SNX31: variants seen among roughly 807,000 people sequenced by gnomAD.
The protein encoded by SNX31 is sorting nexin-31.
Under a neutral mutation model 65.4 loss-of-function variants are expected in SNX31, and 58 were observed. The observed-to-expected ratio is 0.89, with a 90% CI of 0.72 to 1.10. The LOEUF (loss-of-function observed/expected upper bound fraction) is 1.10, where lower values mean the gene tolerates loss of function less well. Among genes scored for constraint, SNX31 ranks in the 50% least tolerant of loss-of-function variants. The pLI, the probability that SNX31 is intolerant of heterozygous loss-of-function variation, is 0.00. For synonymous variants in SNX31, 181 were observed against 190.1 expected (o/e 0.95, Z 0.39); for missense variants, 523 against 529.7 (o/e 0.99, Z 0.12).
chr8:100,609,207 T>C lies in SNX31; in HGVS notation c.612-644A>G, dbSNP rs1421556774. On this transcript the variant is annotated intron_variant, in intron 7 of 13. Coordinates refer to ENST00000311812, the MANE Select transcript of SNX31 (RefSeq NM_152628.4). The surrounding 1 kb of genome is among the most constrained non-coding windows in gnomAD (Gnocchi z 4.9). ...AACGCTACATTCCAACCATGTTTTC[T>C]CTCCTCTCTCCCTGCCTGGAAGACC... Among the ~76,000 whole-genome samples, 1 of 152,154 alleles carries C rather than the reference T, an allele frequency of 6.6e-6. No homozygotes were observed. The highest frequency in any genetic ancestry group is 1.5e-5 in the Non-Finnish European group (1 of 68,036).
intron 7 of SNX31, among the ~76,000 whole-genome samples, chr8:100,611,532 T>C (rs1418045602): frequency 6.6e-6 from 1 of 152,154 alleles, no homozygotes; most frequent in African/African-American, 2.4e-5. Flanking sequence ...GAAACCAGTT[T>C]ATTTCACCCT....
chr8:100,574,458 C>G (rs1221132058), intron 13 of SNX31, among the ~76,000 whole-genome samples: 1 of 152,034 alleles, frequency 6.6e-6, no homozygotes, highest in Non-Finnish European at 1.5e-5. Context: ...GTGGTGAAAC[C>G]CCATCTCTAA....
At chr8:100,631,108 TAGG>T (rs2131184607) in intron 3 of SNX31, among the ~76,000 whole-genome samples, 1 of 152,128 alleles carries the variant, frequency 6.6e-6, no homozygotes, top group East Asian at 1.9e-4. Context: ...CTTTGAATGA[TAGG>T]AGTTCTCGAG....
intron 2 of SNX31, among the ~76,000 whole-genome samples, chr8:100,637,167 T>C (rs900298669): frequency 1.3e-5 from 2 of 152,248 alleles, no homozygotes; most frequent in African/African-American, 2.4e-5. Context: ...ATTATTTTTA[T>C]GGAACCTAAA....
At position 100,625,918 on chromosome 8, in the gene SNX31, G is replaced by A. The variant is rs1818012474; in HGVS notation, c.321+4409C>T. Among the ~76,000 whole-genome samples, 1 of 152,156 alleles carries A rather than the reference G, an allele frequency of 6.6e-6. No individual in the cohort carries two copies. The highest frequency in any genetic ancestry group is 6.5e-5 in the Admixed American group (1 of 15,276). On this transcript the variant is annotated intron_variant, in intron 4 of 13. Transcript: ENST00000311812. This position sits in a 1 kb window ranked among gnomAD's most constrained non-coding sequence, Gnocchi z 4.2. The stretch of plus-strand genomic sequence containing the variant: ...GGGAAAGAAAAGGGACTGGCATTAA[G>A]ATTTTGCTTTTTAAAACCTATATCT...
chr8:100,606,575 C>A (rs1317508490), intron 8 of SNX31, among the ~76,000 whole-genome samples: 1 of 152,140 alleles, frequency 6.6e-6, no homozygotes, highest in Non-Finnish European at 1.5e-5. Context: ...CACCCATTGA[C>A]CTTTTTCTAC....
chr8:100,577,148 A>G, intron 12 of SNX31, 73 bp from the exon 13 acceptor site: 1 of 1,285,256 alleles, frequency 7.8e-7, no homozygotes, highest in Non-Finnish European at 1.1e-6. Context: ...TTTAACTAGC[A>G]CACTTTCCCT....
At chr8:100,587,656 G>A (rs1814170548) in intron 11 of SNX31, among the ~76,000 whole-genome samples, 1 of 152,206 alleles carries the variant, frequency 6.6e-6, no homozygotes, top group African/African-American at 2.4e-5. Flanking sequence ...CCACATGGGT[G>A]GCTGAGGTAG....
At chr8:100,586,461 T>C (rs556084334) in intron 11 of SNX31, among the ~76,000 whole-genome samples, 82 of 152,338 alleles carry the variant, frequency 5.4e-4, no homozygotes, top group African/African-American at 1.9e-3. Context: ...AGAATGTTTA[T>C]TGCACCTCTT....
upstream of SNX31, among the ~76,000 whole-genome samples, chr8:100,650,063 G>GC (rs11294701): frequency 0.012 from 1,774 of 151,674 alleles, 14 homozygotes; most frequent in Middle Eastern, 0.024. Context: ...AATACCAGAA[G>GC]CCCCCCCCAA....
In SNX31 at chr8:100,577,095, G is replaced by C; in HGVS notation, c.1171-20C>G. 6.2e-7 allele frequency: 1 copy of C among 1,608,414 alleles called. No individual in the cohort carries two copies. Among genetic ancestry groups the C allele is most frequent in the Middle Eastern group, 1.7e-4 (1 of 6,048 alleles). ...AATCTGCTAGATAGATTAGTGAAAT[G>C]TCAGTCAGCTCAGCCCAGAGAAGCA... is the stretch of plus-strand genomic sequence containing the variant. On this transcript the variant is annotated intron_variant, in intron 12 of 13. Coordinates refer to ENST00000311812, the MANE Select transcript of SNX31 (RefSeq NM_152628.4).
chr8:100,597,325 T>A (rs867619774), intron 9 of SNX31, among the ~76,000 whole-genome samples: 26 of 151,838 alleles, frequency 1.7e-4, no homozygotes, highest in South Asian at 4.2e-4. Flanking sequence ...CACTGCAACC[T>A]CCGACTCCCT....
chr8:100,649,741 T>G, upstream of SNX31: 1 of 447,844 alleles, frequency 2.2e-6, no homozygotes. Context: ...GGTCCCGGGA[T>G]AGGTGGCGCC....
chr8:100,630,763 T>C lies in SNX31; in HGVS notation c.257-372A>G, dbSNP rs969897201. ...CCCAGCCTAGCAAGACACAGGGTAA[T>C]TTGAAAATTTAATTCAACCAAGAAA... On this transcript the variant is annotated intron_variant, in intron 3 of 13. Coordinates refer to ENST00000311812, the MANE Select transcript of SNX31 (RefSeq NM_152628.4). The surrounding 1 kb of genome is among the most constrained non-coding windows in gnomAD (Gnocchi z 5.3). 6.6e-6 allele frequency among the ~76,000 whole-genome samples: 1 copy of C among 152,166 alleles called. No homozygotes were observed. Among genetic ancestry groups the C allele is most frequent in the Non-Finnish European group, 1.5e-5 (1 of 68,032 alleles).
At chr8:100,595,311 G>GTTTTTTTTT (rs765163460) in intron 10 of SNX31, among the ~76,000 whole-genome samples, 1 of 138,784 alleles carries the variant, frequency 7.2e-6, no homozygotes, top group African/African-American at 3.1e-5. Context: ...GAGGGAATTT[G>GTTTTTTTTT]TTGTTTTTTT....
intron 1 of SNX31, among the ~76,000 whole-genome samples, chr8:100,658,504 G>A (rs149486127): frequency 1.3e-5 from 2 of 152,146 alleles, no homozygotes; most frequent in Non-Finnish European, 1.5e-5. Flanking sequence ...ACATGTAGTG[G>A]GTACTTCCCA....
chr8:100,603,857 C>A (rs1469316092), intron 8 of SNX31, among the ~76,000 whole-genome samples: 3 of 152,146 alleles, frequency 2.0e-5, no homozygotes, highest in Admixed American at 1.3e-4. Context: ...CTTGCCCCAG[C>A]CTCCCGAGTA....
upstream of SNX31, among the ~76,000 whole-genome samples, chr8:100,650,852 T>G (rs1470353084): frequency 6.8e-6 from 1 of 146,656 alleles, no homozygotes; most frequent in Non-Finnish European, 1.5e-5. Flanking sequence ...GTTTTTTTGT[T>G]TTTTTTTTTT....
At chr8:100,623,999 TG>T (rs1316048975) in intron 4 of SNX31, among the ~76,000 whole-genome samples, 1 of 74,268 alleles carries the variant, frequency 1.3e-5, no homozygotes, top group Admixed American at 1.7e-4. Context: ...TAACTCCAGT[TG>T]GGGGGGAGGT....
Sources: gnomAD v4.1 joint callset for allele counts (sites outside exome capture counted in the v4.1 genomes callset) on GRCh38, gnomAD v4.1.1 for gene constraint, Gnocchi (gnomAD v3.1) non-coding constraint, MANE v1.5 for transcripts, NCBI Gene and HGNC (gene_info 2026-07-23, HGNC 2026-07-21) for gene names.